The following IQGAP2 variants were observed in gnomAD, a reference collection of about 807,000 sequenced individuals.
IQGAP2 encodes ras GTPase-activating-like protein IQGAP2.
A neutral mutation model predicts 201.3 loss-of-function variants in IQGAP2; 173 were observed. That is an observed-to-expected ratio of 0.86 (90% CI 0.76 to 0.98). The LOEUF is 0.98. Ranked by LOEUF, IQGAP2 falls within the 50% of genes least tolerant of loss-of-function variation. The probability of loss-of-function intolerance (pLI) is 0.00; values close to 1 mark genes in which losing one functional copy is unlikely to be tolerated. For missense variants in IQGAP2, 1,687 were observed against 1,864.8 expected, an observed-to-expected ratio of 0.90 and a Z score of 1.76; for synonymous variants, 675 against 673.9, an observed-to-expected ratio of 1.00 and a Z score of -0.03.
Position 76,644,074 on chromosome 5 carries a change from G to A in IQGAP2, c.2094+2971G>A, listed in dbSNP as rs150563040. ...GTCCAGTTATCAAGCATAGCAGCCA[G>A]TGTATCAAGCCAGATTTCCCAGAGA... On this transcript the variant is annotated intron_variant, in intron 17 of 35. Transcript: ENST00000274364. 2.8e-3 allele frequency among the ~76,000 whole-genome samples: 432 copies of A among 152,172 alleles called. 1 individual carries two copies. Among genetic ancestry groups the A allele is most frequent in the African/African-American group, 1.0e-2 (413 of 41,490 alleles).
At chr5:76,569,237 G>A (rs959304707) in intron 3 of IQGAP2, among the ~76,000 whole-genome samples, 1 of 152,136 alleles carries the variant, frequency 6.6e-6, no homozygotes, top group South Asian at 2.1e-4. Flanking sequence ...TGAATCCTAG[G>A]TCAGTCAGTT....
Position 76,695,484 on chromosome 5 carries a change from C to T in IQGAP2, c.4024C>T (p.Arg1342Cys), listed in dbSNP as rs747156984. 1.2e-5 allele frequency: 19 copies of T among 1,614,016 alleles called. No individual in the cohort carries two copies. The highest frequency in any genetic ancestry group is 3.3e-5 in the South Asian group (3 of 91,084). ...AGACCATGCCACGGACATGGTGAGC[C>T]GTGCAATGATAGATTCCAGGACTCC... ...EVDHATDMVS[R>C]AMIDSRTPEE... The change falls in exon 32 of 36, where the codon CGT becomes TGT. Residue 1342 changes from arginine (R) to cysteine (C), a missense_variant. Arg to Cys is a radical substitution (Grantham distance 180). Coordinates refer to ENST00000274364, the MANE Select transcript of IQGAP2 (RefSeq NM_006633.5).
chr5:76,426,905 G>GGGGTGTGTGTGTGTGTGTGTGTGTGT (rs1554054705), intron 1 of IQGAP2, among the ~76,000 whole-genome samples: 2 of 146,586 alleles, frequency 1.4e-5, no homozygotes, highest in African/African-American at 5.0e-5. Flanking sequence ...AACCATGGAG[G>GGGGTGTGTGTGTGTGTGTGTGTGTGT]GTGTGTGTGT....
intron 1 of IQGAP2, among the ~76,000 whole-genome samples, chr5:76,453,797 C>T (rs1006980307): frequency 6.6e-6 from 1 of 152,216 alleles, no homozygotes; most frequent in African/African-American, 2.4e-5. Flanking sequence ...TAACTTGAGA[C>T]ATTTTGCCCT....
At chr5:76,585,066 T>C (rs1335144861) in intron 5 of IQGAP2, among the ~76,000 whole-genome samples, 1 of 152,230 alleles carries the variant, frequency 6.6e-6, no homozygotes, top group Non-Finnish European at 1.5e-5. Flanking sequence ...TTTGTAGATA[T>C]CTAAATTATT....
chr5:76,615,967 T>C (rs1192045331), intron 13 of IQGAP2: 1 of 152,640 alleles, frequency 6.6e-6, no homozygotes, highest in Non-Finnish European at 1.5e-5. Flanking sequence ...GCTTTCCTGC[T>C]GTTTAACTGC....
rs117331862 is a variant in IQGAP2 at position 76,503,882 on chromosome 5, C to T, written c.146+42213C>T. On this transcript the variant is annotated intron_variant, in intron 2 of 35. Transcript: ENST00000274364. ...TGCTGGGATTACAGGTGTGAGCCAC[C>T]GCACCTGACCTCAGCTTACTTTTCT... Among the ~76,000 whole-genome samples the T allele has an allele frequency of 3.7e-3, 557 of 152,256 alleles. 15 individuals are homozygous for T. The East Asian group carries it at 0.076, about 21-fold the overall frequency.
chr5:76,590,481 A>G lies in IQGAP2; in HGVS notation c.714A>G (p.Arg238=), dbSNP rs749633111. 6.2e-7 allele frequency: 1 copy of G among 1,614,046 alleles called. No homozygotes were observed. Among genetic ancestry groups the G allele is most frequent in the South Asian group, 1.1e-5 (1 of 91,066 alleles). Residue 238 remains arginine, a synonymous_variant, in exon 8 of 36, where the codon AGA becomes AGG. Coordinates refer to ENST00000274364, the MANE Select transcript of IQGAP2 (RefSeq NM_006633.5). The part of the protein sequence containing the change: ...GIAEQTVVTL[R]NPNAVLTLVD... ...CAGAGCAAACCGTTGTAACACTAAG[A>G]AACCCAAATGCGGTTTTAACTTTAG... is the stretch of plus-strand genomic sequence containing the variant.
At chr5:76,505,854 T>C (rs919467067) in intron 2 of IQGAP2, among the ~76,000 whole-genome samples, 4 of 152,228 alleles carry the variant, frequency 2.6e-5, no homozygotes, top group African/African-American at 7.2e-5. Flanking sequence ...TGCCCACCTT[T>C]ATTCCTGTTC....
intron 2 of IQGAP2, among the ~76,000 whole-genome samples, chr5:76,475,163 G>A (rs1580272175): frequency 6.6e-6 from 1 of 152,220 alleles, no homozygotes; most frequent in East Asian, 1.9e-4. Flanking sequence ...GGGATGAGAG[G>A]GGAGAGAGGA....
intron 18 of IQGAP2, among the ~76,000 whole-genome samples, chr5:76,653,731 A>C (rs1299558137): frequency 1.3e-5 from 2 of 152,224 alleles, no homozygotes; most frequent in East Asian, 1.9e-4. Flanking sequence ...CTATTCTGTC[A>C]AAAACCATTG....
At chr5:76,622,532 T>C (rs147474241) in intron 13 of IQGAP2, among the ~76,000 whole-genome samples, 1 of 152,326 alleles carries the variant, frequency 6.6e-6, no homozygotes, top group African/African-American at 2.4e-5. Context: ...CCCAAATTTG[T>C]TATTTTTGGA....
Position 76,658,506 on chromosome 5 carries a change from C to A in IQGAP2, c.2368C>A (p.Leu790Met). ...PLTVIRKFVY[L>M]LDQSDLDFQE... ...AACAGTAATTCGCAAATTTGTATAC[C>A]TGCTGGACCAAAGTGATTTGGATTT... The change falls in exon 21 of 36, where the codon CTG becomes ATG. Residue 790 changes from leucine to methionine, a missense_variant. Transcript: ENST00000274364. The A allele has an allele frequency of 6.2e-7, 1 of 1,613,868 alleles. No homozygotes were observed. Among genetic ancestry groups the A allele is most frequent in the Non-Finnish European group, 8.5e-7 (1 of 1,179,934 alleles).
chr5:76,606,471 G>T (rs774422608), intron 12 of IQGAP2, 168 bp downstream of exon 12: 125 of 415,608 alleles, frequency 3.0e-4, no homozygotes, highest in Middle Eastern at 9.8e-4. Flanking sequence ...CTATACCACT[G>T]TACCAATATG....
At chr5:76,516,810 T>A (rs1348063059) in intron 2 of IQGAP2, among the ~76,000 whole-genome samples, 1 of 152,204 alleles carries the variant, frequency 6.6e-6, no homozygotes, top group Non-Finnish European at 1.5e-5. Flanking sequence ...AGAAGAAAGG[T>A]ATATGTTCCC....
chr5:76,576,283 A>T (rs1217877036), intron 5 of IQGAP2, among the ~76,000 whole-genome samples: 1 of 152,234 alleles, frequency 6.6e-6, no homozygotes, highest in Non-Finnish European at 1.5e-5. Context: ...GAAACATAGT[A>T]GTTTGGTGTA....
At chr5:76,629,949 G>A (rs925902035) in intron 14 of IQGAP2, among the ~76,000 whole-genome samples, 1 of 152,256 alleles carries the variant, frequency 6.6e-6, no homozygotes, top group Admixed American at 6.5e-5. Flanking sequence ...AAGAAAAAAA[G>A]CAATCAAAAT....
chr5:76,509,778 A>T (rs1757845047), intron 2 of IQGAP2, among the ~76,000 whole-genome samples: 1 of 152,086 alleles, frequency 6.6e-6, no homozygotes, highest in Admixed American at 6.5e-5. Context: ...AACATGAGAA[A>T]AGTATCCGTA....
chr5:76,485,451 T>G (rs1756065309), intron 2 of IQGAP2, among the ~76,000 whole-genome samples: 1 of 152,224 alleles, frequency 6.6e-6, no homozygotes, highest in South Asian at 2.1e-4. Context: ...CAATAGCGAG[T>G]AAACAAACCT....
Sources: allele counts gnomAD v4.1 joint callset (sites outside exome capture counted in the v4.1 genomes callset), GRCh38; gene constraint gnomAD v4.1.1; transcripts MANE v1.5; gene names NCBI Gene and HGNC (gene_info 2026-07-23, HGNC 2026-07-21).